AGBL4: variants seen among roughly 807,000 people sequenced by gnomAD.
The protein encoded by AGBL4 is AGBL carboxypeptidase 4, also known as cytosolic carboxypeptidase 6.
In AGBL4, 58 loss-of-function variants were observed where a neutral mutation model predicts 66.4. That is an observed-to-expected ratio of 0.87 (90% CI 0.71 to 1.09). AGBL4 has a LOEUF of 1.09. AGBL4 is among the 50% of genes least tolerant of loss of function. AGBL4 has a pLI of 0.00. For synonymous variants in AGBL4, 234 were observed against 222.9 expected (o/e 1.05, Z -0.44); for missense variants, 579 against 631.0 (o/e 0.92, Z 0.88).
At chr1:49,249,037 G>A (rs901367670) in intron 3 of AGBL4, among the ~76,000 whole-genome samples, 1 of 152,138 alleles carries the variant, frequency 6.6e-6, no homozygotes, top group Non-Finnish European at 1.5e-5. Flanking sequence ...TACTGAAAAT[G>A]TGAAAGCTCC....
intron 3 of AGBL4, among the ~76,000 whole-genome samples, chr1:49,391,633 C>T (rs748950985): frequency 3.4e-4 from 50 of 148,980 alleles, no homozygotes; most frequent in Middle Eastern, 3.6e-3. Context: ...GCGATCTCTG[C>T]TCACTGCAAG....
chr1:49,175,817 T>C (rs1381005314), intron 4 of AGBL4, among the ~76,000 whole-genome samples: 1 of 152,162 alleles, frequency 6.6e-6, no homozygotes, highest in Non-Finnish European at 1.5e-5. Context: ...CCTTTACTTT[T>C]GGATCTGTCA....
chr1:49,657,619 C>T (rs1482320278), intron 3 of AGBL4, among the ~76,000 whole-genome samples: 10 of 152,120 alleles, frequency 6.6e-5, no homozygotes, highest in East Asian at 5.8e-4. Context: ...ACTACAAGGC[C>T]ACAGTAACCA....
At chr1:49,178,125 G>C (rs1035352775) in intron 4 of AGBL4, among the ~76,000 whole-genome samples, 1 of 152,164 alleles carries the variant, frequency 6.6e-6, no homozygotes, top group Non-Finnish European at 1.5e-5. Flanking sequence ...GAGCTAGGCA[G>C]ATTTAAGCTG....
chr1:48,671,699 C>T (rs1453324988), intron 6 of AGBL4, among the ~76,000 whole-genome samples: 1 of 152,216 alleles, frequency 6.6e-6, no homozygotes. Flanking sequence ...GGTCCAAATG[C>T]CTGACCTTAC....
chr1:49,493,107 T>C lies in AGBL4; in HGVS notation c.282+204206A>G, dbSNP rs952833537. Among the ~76,000 whole-genome samples the C allele has an allele frequency of 3.3e-5, 5 of 152,048 alleles. No individual in the cohort carries two copies. The East Asian group carries it at 7.8e-4, about 24-fold the overall frequency. Reference sequence around the variant, plus strand: ...TAACTGTCCCCATGATTAAATTGCCTCCCACTGGGTCCTTCCCATGACACA... The same window carrying C: ...TAACTGTCCCCATGATTAAATTGCCCCCCACTGGGTCCTTCCCATGACACA... On this transcript the variant is annotated intron_variant, in intron 3 of 13. Transcript: ENST00000371839.
At chr1:48,692,810 T>C (rs1646654420) in intron 6 of AGBL4, among the ~76,000 whole-genome samples, 1 of 152,160 alleles carries the variant, frequency 6.6e-6, no homozygotes, top group Non-Finnish European at 1.5e-5. Flanking sequence ...CTCCTCTTCT[T>C]ACACAGGGAA....
intron 6 of AGBL4, among the ~76,000 whole-genome samples, chr1:48,795,827 A>AT (rs2148735904): frequency 6.6e-6 from 1 of 152,116 alleles, no homozygotes; most frequent in African/African-American, 2.4e-5. Flanking sequence ...TAATTTTTCT[A>AT]TTTTTTAGTA....
chr1:49,590,862 A>G (rs1456068461), intron 3 of AGBL4, among the ~76,000 whole-genome samples: 2 of 152,098 alleles, frequency 1.3e-5, no homozygotes, highest in African/African-American at 4.8e-5. Context: ...GAGTACAGAA[A>G]TAACTCTGGA....
At chr1:48,886,468 C>A (rs1235926306) in intron 5 of AGBL4, among the ~76,000 whole-genome samples, 1 of 152,168 alleles carries the variant, frequency 6.6e-6, no homozygotes, top group Non-Finnish European at 1.5e-5. Context: ...AAGGGAATAA[C>A]AATGCTCTAA....
At chr1:49,271,465 T>C (rs1448517682) in intron 3 of AGBL4, among the ~76,000 whole-genome samples, 1 of 151,840 alleles carries the variant, frequency 6.6e-6, no homozygotes, top group East Asian at 1.9e-4. Flanking sequence ...TTCAAAGCGT[T>C]GTGTTTTCTC....
At chr1:49,867,689 A>G (rs1646738087) in intron 1 of AGBL4, among the ~76,000 whole-genome samples, 1 of 152,150 alleles carries the variant, frequency 6.6e-6, no homozygotes, top group South Asian at 2.1e-4. Context: ...ATTCATTGCC[A>G]CCAGGTCTGC....
intron 3 of AGBL4, among the ~76,000 whole-genome samples, chr1:49,619,057 A>G (rs1337375436): frequency 6.6e-6 from 1 of 152,236 alleles, no homozygotes; most frequent in Non-Finnish European, 1.5e-5. Flanking sequence ...GAAAACTGGC[A>G]AAAGACAAGG....
chr1:49,581,871 G>A (rs1571100235), intron 3 of AGBL4, among the ~76,000 whole-genome samples: 2 of 152,250 alleles, frequency 1.3e-5, no homozygotes, highest in East Asian at 1.9e-4. Context: ...GCAAGTGAGT[G>A]GGCTCTTGAG....
chr1:48,710,941 C>A (rs1016236904), intron 6 of AGBL4, among the ~76,000 whole-genome samples: 1 of 150,460 alleles, frequency 6.6e-6, no homozygotes, highest in Non-Finnish European at 1.5e-5. Flanking sequence ...GACATTACCT[C>A]CCCTAGGAAG....
intron 3 of AGBL4, among the ~76,000 whole-genome samples, chr1:49,256,536 G>T (rs1652521101): frequency 6.6e-6 from 1 of 152,116 alleles, no homozygotes; most frequent in African/African-American, 2.4e-5. Context: ...AAATCAGGGT[G>T]TTAAGTAAAT....
At chr1:48,825,098 G>T (rs963422424) in intron 6 of AGBL4, among the ~76,000 whole-genome samples, 1 of 152,222 alleles carries the variant, frequency 6.6e-6, no homozygotes, top group African/African-American at 2.4e-5. Flanking sequence ...TGAATACTGA[G>T]ATGGGTGAGA....
intron 3 of AGBL4, among the ~76,000 whole-genome samples, chr1:49,436,133 T>C (rs1299578256): frequency 6.6e-6 from 1 of 151,930 alleles, no homozygotes; most frequent in Non-Finnish European, 1.5e-5. Context: ...AGAGGGGAAG[T>C]GTAGAAGAGG....
intron 1 of AGBL4, among the ~76,000 whole-genome samples, chr1:50,019,705 A>G (rs1662297552): frequency 6.6e-6 from 1 of 152,124 alleles, no homozygotes; most frequent in Non-Finnish European, 1.5e-5. Flanking sequence ...CCACAGAATA[A>G]CTTGACAAAA....
Sources: allele counts gnomAD v4.1 joint callset (sites outside exome capture counted in the v4.1 genomes callset), GRCh38; gene constraint gnomAD v4.1.1; transcripts MANE v1.5; gene names NCBI Gene and HGNC (gene_info 2026-07-23, HGNC 2026-07-21).